Variants in RNF19A observed in about 807,000 individuals in gnomAD.
RNF19A encodes E3 ubiquitin-protein ligase RNF19A.
In RNF19A, 32 loss-of-function variants were observed where a neutral mutation model predicts 75.7. That is an observed-to-expected ratio of 0.42 (90% CI 0.32 to 0.57). RNF19A has a LOEUF of 0.57. Among genes scored for constraint, RNF19A ranks in the 20% least tolerant of loss-of-function variants. RNF19A has a pLI of 0.10. For missense variants in RNF19A, 782 were observed against 1,036.3 expected (o/e 0.75, Z 3.37); for synonymous variants, 335 against 345.2 (o/e 0.97, Z 0.33).
chr8:100,317,134 G>GCAGCCCAGCCCGGGTTCCCGCACT lies in RNF19A; in HGVS notation c.-242-3763_-242-3762insAGTGCGGGAACCCGGGCTGGGCTG. Among the ~76,000 whole-genome samples the GCAGCCCAGCCCGGGTTCCCGCACT allele has an allele frequency of 6.6e-6, 1 of 152,232 alleles. No homozygotes were observed. Among genetic ancestry groups the GCAGCCCAGCCCGGGTTCCCGCACT allele is most frequent in the South Asian group, 2.1e-4 (1 of 4,832 alleles). ...TCCAGCTGGCCCGCAAGCGCCGCAC[G>GCAGCCCAGCCCGGGTTCCCGCACT]CAGCCCAGCCCGGGTTCCCGCTCGC... is the stretch of plus-strand genomic sequence containing the variant. On this transcript the variant is annotated intron_variant, in intron 1 of 3. Transcript: ENST00000519527. The surrounding 1 kb of genome is among the most constrained non-coding windows in gnomAD (Gnocchi z 4.3).
Position 100,324,035 on chromosome 8 carries a change from A to G in RNF19A, c.-242-10663T>C, listed in dbSNP as rs1822496971. Among the ~76,000 whole-genome samples, 1 of 152,240 alleles carries G rather than the reference A, an allele frequency of 6.6e-6. No individual in the cohort carries two copies. On this transcript the variant is annotated intron_variant, in intron 1 of 3. Transcript: ENST00000519527. The surrounding 1 kb of genome is among the most constrained non-coding windows in gnomAD (Gnocchi z 4.2). ...TGTGATAAAAGCAAAACTTTGTACAATGTATCCCAAGGACATGAGGGAAAA... is the reference window on the plus strand; with the variant it reads ...TGTGATAAAAGCAAAACTTTGTACAGTGTATCCCAAGGACATGAGGGAAAA...
chr8:100,281,523 T>G (rs951371836), intron 2 of RNF19A, among the ~76,000 whole-genome samples: 2 of 152,140 alleles, frequency 1.3e-5, no homozygotes, highest in Admixed American at 1.3e-4. Context: ...GGGTGATATA[T>G]TCTACCTGGA....
intron 1 of RNF19A, among the ~76,000 whole-genome samples, chr8:100,294,469 A>G (rs1821454121): frequency 6.6e-6 from 1 of 152,136 alleles, no homozygotes; most frequent in Non-Finnish European, 1.5e-5. Flanking sequence ...TCCCAAGCAC[A>G]GTTCTAGGGG....
In RNF19A at chr8:100,269,765, C is replaced by A; in HGVS notation, c.1028+104G>T. 2.6e-6 allele frequency: 2 copies of A among 763,108 alleles called. No individual in the cohort carries two copies. The highest frequency in any genetic ancestry group is 3.3e-5 in the South Asian group (1 of 30,392). 47.3% of individuals were successfully genotyped at this position (763,108 alleles called of 1,614,324 possible). Reference sequence around the variant, plus strand: ...TTAAATTTATTTAACTAGAATAAAACCAATCCCTTTAAGTATCTTATAAAA... The same window carrying A: ...TTAAATTTATTTAACTAGAATAAAAACAATCCCTTTAAGTATCTTATAAAA... On this transcript the variant is annotated intron_variant, in intron 4 of 9. Coordinates refer to ENST00000341084, the MANE Select transcript of RNF19A (RefSeq NM_183419.4). The surrounding 1 kb of genome is among the most constrained non-coding windows in gnomAD (Gnocchi z 5.7).
At position 100,330,479 on chromosome 8, in the gene RNF19A, G is replaced by C. The variant is rs1344638934; in HGVS notation, c.-243+5629C>G. 6.6e-6 allele frequency among the ~76,000 whole-genome samples: 1 copy of C among 152,198 alleles called. No homozygotes were observed. The highest frequency in any genetic ancestry group is 2.4e-5 in the African/African-American group (1 of 41,436). On this transcript the variant is annotated intron_variant, in intron 1 of 3. Coordinates refer to the RNF19A transcript ENST00000519527. This position sits in a 1 kb window ranked among gnomAD's most constrained non-coding sequence, Gnocchi z 4.1. ...TGACACAGTAGTCCAATATGAATTA[G>C]TGATGAGATTTTTACTGGAACTATT...
chr8:100,310,246 C>T (rs563789326), upstream of RNF19A: 1 of 985,146 alleles, frequency 1.0e-6, no homozygotes, highest in Non-Finnish European at 1.2e-6. Flanking sequence ...GCTCTGGACG[C>T]GGCTGTTCCC....
intron 1 of RNF19A, among the ~76,000 whole-genome samples, chr8:100,302,908 T>C (rs897443694): frequency 1.3e-5 from 2 of 152,174 alleles, no homozygotes; most frequent in Admixed American, 6.5e-5. Context: ...AATAACAAAA[T>C]GTATCTTATA....
chr8:100,329,941 A>G lies in RNF19A; in HGVS notation c.-243+6167T>C, dbSNP rs1822588769. Among the ~76,000 whole-genome samples the G allele has an allele frequency of 6.6e-6, 1 of 152,230 alleles. No homozygotes were observed. Among genetic ancestry groups the G allele is most frequent in the Non-Finnish European group, 1.5e-5 (1 of 68,046 alleles). On this transcript the variant is annotated intron_variant, in intron 1 of 3. Transcript: ENST00000519527. This position sits in a 1 kb window ranked among gnomAD's most constrained non-coding sequence, Gnocchi z 4.3. Reference sequence around the variant, plus strand: ...AATTTAAATACTTTCCAAAATCATGAACTATCTATTACTGAATATGTTCAA... The same window carrying G: ...AATTTAAATACTTTCCAAAATCATGGACTATCTATTACTGAATATGTTCAA...
chr8:100,267,600 C>A (rs1461634248), intron 5 of RNF19A, among the ~76,000 whole-genome samples: 3 of 151,778 alleles, frequency 2.0e-5, no homozygotes, highest in East Asian at 3.9e-4. Flanking sequence ...GAACTCCCAG[C>A]CTCAAGTGAT....
chr8:100,309,539 C>T, intron 1 of RNF19A: 2 of 984,948 alleles, frequency 2.0e-6, no homozygotes, highest in South Asian at 4.7e-5. Context: ...TATCGCCGGG[C>T]CGGCCGCCGG....
At chr8:100,310,233 G>C (rs1367553572), upstream of RNF19A, 2 of 985,060 alleles carry the variant, frequency 2.0e-6, no homozygotes, top group Non-Finnish European at 2.4e-6. Context: ...CCCGCTGCGG[G>C]CGGCTCTGGA....
In RNF19A at chr8:100,259,966, G is replaced by A. The variant is rs771987074; in HGVS notation, c.1714C>T (p.Arg572Trp). The A allele has an allele frequency of 1.1e-5, 17 of 1,613,622 alleles. No homozygotes were observed. The East Asian group carries it at 1.8e-4, about 17-fold the overall frequency. Residue 572 changes from arginine to tryptophan, a missense_variant, in exon 9 of 10, where the codon CGG becomes TGG. Physicochemically the swap from Arg to Trp is moderately radical, Grantham distance 101. Transcript: ENST00000341084. This position sits in a 1 kb window ranked among gnomAD's most constrained non-coding sequence, Gnocchi z 4.5. ...CCAGATTCTCCACTTAGACTGTACC[G>A]TTCTTTCTGTACATCTGCTTGTACT... ...LEVQADVQKERYSLSGESGTV... is the reference protein window; with the variant it reads ...LEVQADVQKEWYSLSGESGTV...
intron 1 of RNF19A, among the ~76,000 whole-genome samples, chr8:100,290,669 T>C (rs1016336409): frequency 6.6e-6 from 1 of 152,206 alleles, no homozygotes; most frequent in African/African-American, 2.4e-5. Flanking sequence ...AATACAGTTA[T>C]GCATCACTTA....
upstream of RNF19A, chr8:100,310,238 T>G (rs908296642): frequency 3.6e-5 from 35 of 984,980 alleles, no homozygotes; most frequent in Admixed American, 6.2e-5. Context: ...TGCGGGCGGC[T>G]CTGGACGCGG....
chr8:100,270,998 A>G (rs533149506), intron 3 of RNF19A, among the ~76,000 whole-genome samples: 5 of 152,152 alleles, frequency 3.3e-5, no homozygotes, highest in Non-Finnish European at 7.4e-5. Flanking sequence ...AAAGATATTT[A>G]TAGTGCTAAC....
At chr8:100,268,683 T>TAAA (rs34297750) in intron 5 of RNF19A, 102 bp downstream of exon 5, 115 of 355,386 alleles carry the variant, frequency 3.2e-4, no homozygotes, top group Non-Finnish European at 4.2e-4. Flanking sequence ...ACCCTTTGTC[T>TAAA]AAAAAAAAAA....
intron 1 of RNF19A, among the ~76,000 whole-genome samples, chr8:100,293,741 T>C (rs2130036794): frequency 6.6e-6 from 1 of 152,332 alleles, no homozygotes; most frequent in Admixed American, 6.5e-5. Context: ...TATTTGTATG[T>C]CAGTTTGATT....
At chr8:100,283,181 T>TG (rs1241133885) in intron 2 of RNF19A, among the ~76,000 whole-genome samples, 1 of 130,522 alleles carries the variant, frequency 7.7e-6, no homozygotes, top group Non-Finnish European at 1.6e-5. Flanking sequence ...AGAACTCACA[T>TG]GGGATGACAG....
intron 3 of RNF19A, among the ~76,000 whole-genome samples, chr8:100,271,822 C>A (rs1010683083): frequency 4.6e-5 from 7 of 152,084 alleles, no homozygotes; most frequent in African/African-American, 1.7e-4. Flanking sequence ...TGATATATTT[C>A]TCTCCAAATA....
Sources: gnomAD v4.1 joint callset for allele counts (sites outside exome capture counted in the v4.1 genomes callset) on GRCh38, gnomAD v4.1.1 for gene constraint, Gnocchi (gnomAD v3.1) non-coding constraint, MANE v1.5 for transcripts, NCBI Gene and HGNC (gene_info 2026-07-23, HGNC 2026-07-21) for gene names.